TPP2: variants seen among roughly 807,000 people sequenced by gnomAD.
TPP2 encodes the protein tripeptidyl-peptidase 2.
A neutral mutation model predicts 155.9 loss-of-function variants in TPP2; 34 were observed. That is an observed-to-expected ratio of 0.22 (90% confidence interval 0.17 to 0.29). TPP2 has a LOEUF of 0.29. Ranked by LOEUF, TPP2 falls within the 10% of genes least tolerant of loss-of-function variation. TPP2 has a pLI of 1.00. For synonymous variants in TPP2, 510 were observed against 529.4 expected, an observed-to-expected ratio of 0.96 and a Z score of 0.50; for missense variants, 1,028 against 1,522.3, an observed-to-expected ratio of 0.68 and a Z score of 5.40.
Position 102,604,989 on chromosome 13 carries a change from T to C in TPP2, c.294+68T>C. On this transcript the variant is annotated intron_variant, in intron 2 of 29. Transcript: ENST00000376052. The stretch of plus-strand genomic sequence containing the variant: ...CTTGCCTCAAAGCATCTAATGTTTT[T>C]ACCTTACATTTGGTGGTGGTATTAG... 1.9e-6 allele frequency: 3 copies of C among 1,587,954 alleles called. No homozygotes were observed. The South Asian group carries it at 3.5e-5, about 19-fold the overall frequency.
chr13:102,677,432 T>A (rs627198), intron 29 of TPP2, among the ~76,000 whole-genome samples: 75,361 of 152,006 alleles, frequency 0.5, 19,075 homozygotes, highest in African/African-American at 0.6. Context: ...ACACCTGCTG[T>A]TGAATCTCCA....
chr13:102,671,551 T>C (rs965225435), intron 27 of TPP2, among the ~76,000 whole-genome samples: 1 of 152,222 alleles, frequency 6.6e-6, no homozygotes, highest in African/African-American at 2.4e-5. Context: ...GGCTAGCGGC[T>C]CCGTTTTCTT....
In TPP2 at chr13:102,649,463, A is replaced by G; in HGVS notation, c.2929A>G (p.Lys977Glu). The G allele has an allele frequency of 1.9e-6, 3 of 1,612,590 alleles. No homozygotes were observed. The highest frequency in any genetic ancestry group is 1.1e-5 in the South Asian group (1 of 90,746). The stretch of plus-strand genomic sequence containing the variant: ...TCTTGCAGGATCCTTAACATTGTCA[A>G]AGACTGAACTAGGAAAGAAAGCTGT... ...CYLAGSLTLS[K>E]TELGKKAGQS... Residue 977 changes from lysine to glutamate, a missense_variant, in exon 23 of 30, where the codon AAG becomes GAG. Coordinates refer to ENST00000376052, the MANE Select transcript of TPP2 (RefSeq NM_001330588.2).
At chr13:102,663,471 G>T (rs1355091020) in intron 25 of TPP2, among the ~76,000 whole-genome samples, 177 bp from the exon 26 acceptor site, 5 of 152,150 alleles carry the variant, frequency 3.3e-5, no homozygotes, top group Admixed American at 6.6e-5. Context: ...TTGTTTTCTA[G>T]TTAACCATTT....
chr13:102,652,993 T>C (rs896363214), intron 24 of TPP2, among the ~76,000 whole-genome samples: 1 of 152,222 alleles, frequency 6.6e-6, no homozygotes, highest in Non-Finnish European at 1.5e-5. Flanking sequence ...AGCCAATTAT[T>C]TTTCTTCTTA....
chr13:102,634,494 G>A (rs1882241961), intron 11 of TPP2, among the ~76,000 whole-genome samples: 5 of 152,082 alleles, frequency 3.3e-5, no homozygotes. Flanking sequence ...AGAGAAGGAG[G>A]GATTTCTAGA....
At chr13:102,624,313 C>CT (rs1881402760) in intron 6 of TPP2, among the ~76,000 whole-genome samples, 1 of 152,168 alleles carries the variant, frequency 6.6e-6, no homozygotes, top group Non-Finnish European at 1.5e-5. Context: ...AGTGGGATGA[C>CT]TTTAACTCTT....
chr13:102,605,121 G>A (rs1023778079), intron 2 of TPP2, among the ~76,000 whole-genome samples, 200 bp downstream of exon 2: 3 of 112,110 alleles, frequency 2.7e-5, no homozygotes, highest in East Asian at 2.1e-4. Flanking sequence ...GTGGCTTAAC[G>A]GGGTTCCAGT....
Position 102,656,911 on chromosome 13 carries a change from G to A in TPP2, c.2992-145G>A, listed in dbSNP as rs536069389. ...ACTGTGACCAGAGATTGGAATTTTT[G>A]GTGTATTGTGACCCTTAGAATCTAG... On this transcript the variant is annotated intron_variant, in intron 24 of 29. Coordinates refer to ENST00000376052, the MANE Select transcript of TPP2 (RefSeq NM_001330588.2). 2.3e-5 allele frequency: 16 copies of A among 684,844 alleles called. No homozygotes were observed. The South Asian group carries it at 3.8e-4, about 16-fold the overall frequency. The allele number at this position is 684,844 out of a possible 1,614,324, so 42.4% of individuals were successfully genotyped here. A position where few individuals can be genotyped will look rare whatever the true frequency, so the allele number is the denominator to read the frequency against.
At position 102,629,465 on chromosome 13, in the gene TPP2, A is replaced by C. The variant is rs755515302; in HGVS notation, c.1017-17A>C. 6.7e-7 allele frequency: 1 copy of C among 1,481,698 alleles called. No homozygotes were observed. Among genetic ancestry groups the C allele is most frequent in the Non-Finnish European group, 8.9e-7 (1 of 1,122,700 alleles). 91.8% of individuals were successfully genotyped at this position (1,481,698 alleles called of 1,614,324 possible). On this transcript the variant is annotated splice_polypyrimidine_tract_variant and intron_variant, in intron 8 of 29. Coordinates refer to ENST00000376052, the MANE Select transcript of TPP2 (RefSeq NM_001330588.2). ...TAGAGGCTGATTATATGTTCAAAGGAATTCTCTCTTTTTCAGGAGAATTTG... is the reference window on the plus strand; with the variant it reads ...TAGAGGCTGATTATATGTTCAAAGGCATTCTCTCTTTTTCAGGAGAATTTG...
intron 10 of TPP2, chr13:102,631,477 G>A (rs1005539919): frequency 2.0e-5 from 3 of 152,156 alleles, no homozygotes; most frequent in African/African-American, 2.4e-5. Context: ...AAAGCTTGAT[G>A]TGTTTTTGTT....
rs1317389541 is a variant in TPP2 at position 102,629,699 on chromosome 13, C to T, written c.1144+90C>T. 32 of 1,450,868 alleles carry T rather than the reference C, an allele frequency of 2.2e-5. No individual in the cohort carries two copies. In the Middle Eastern group the frequency reaches 6.2e-4, roughly 28 times the overall value. 89.9% of individuals were successfully genotyped at this position (1,450,868 alleles called of 1,614,324 possible). On this transcript the variant is annotated intron_variant, in intron 9 of 29. Coordinates refer to ENST00000376052, the MANE Select transcript of TPP2 (RefSeq NM_001330588.2). The stretch of plus-strand genomic sequence containing the variant: ...AAATGTTACCTGTATCTCTGCTACA[C>T]GTAAGACACTGTACACCTTAAGTGT...
At position 102,638,310 on chromosome 13, in the gene TPP2, A is replaced by C. The variant is rs763933132; in HGVS notation, c.1908A>C (p.Ala636=). The change falls in exon 15 of 30, where the codon GCA becomes GCC. Residue 636 remains alanine, a synonymous_variant. Transcript: ENST00000376052. The part of the protein sequence containing the change: ...LFRVPITAVI[A]AKVNESSHYD... The stretch of plus-strand genomic sequence containing the variant: ...GAGTTCCGATCACTGCAGTTATAGC[A>C]GCAAAGTAAGTAACAGGTTACTCAC... The C allele has an allele frequency of 3.0e-5, 48 of 1,612,640 alleles. No individual in the cohort carries two copies. Among genetic ancestry groups the C allele is most frequent in the Non-Finnish European group, 3.6e-5 (43 of 1,179,912 alleles).
chr13:102,668,080 T>C (rs1884725205), intron 27 of TPP2, among the ~76,000 whole-genome samples: 1 of 152,138 alleles, frequency 6.6e-6, no homozygotes, highest in Non-Finnish European at 1.5e-5. Flanking sequence ...TGATCAAAGG[T>C]TGGTTTTTGG....
rs560908615 is a variant in TPP2 at position 102,599,431 on chromosome 13, A to T, written c.165+2228A>T. ...TTTAACAGATTTATTTTGTAGATAT[A>T]TGTGTACATCATTAAGATTAGAGGA... On this transcript the variant is annotated intron_variant, in intron 1 of 29. Transcript: ENST00000376052. Among the ~76,000 whole-genome samples, 4 of 152,186 alleles carry T rather than the reference A, an allele frequency of 2.6e-5. No individual in the cohort carries two copies. The South Asian group carries it at 8.3e-4, about 32-fold the overall frequency.
At chr13:102,627,781 C>T (rs985888466) in intron 7 of TPP2, 67 bp from the exon 8 acceptor site, 1 of 1,167,294 alleles carries the variant, frequency 8.6e-7, no homozygotes, top group Admixed American at 2.0e-5. Context: ...TATATATGCC[C>T]TTATTTTACT....
chr13:102,676,502 T>C, intron 29 of TPP2, 87 bp downstream of exon 29: 3 of 1,488,692 alleles, frequency 2.0e-6, no homozygotes, highest in South Asian at 2.4e-5. Flanking sequence ...GACTGTGATA[T>C]AGCAATACTG....
intron 21 of TPP2, among the ~76,000 whole-genome samples, chr13:102,647,751 T>G (rs536115627): frequency 6.6e-5 from 10 of 152,308 alleles, no homozygotes; most frequent in African/African-American, 2.2e-4. Flanking sequence ...GCCGCATGTC[T>G]TCAGTTCATT....
intron 25 of TPP2, among the ~76,000 whole-genome samples, chr13:102,660,264 AAAG>A (rs1036808589): frequency 2.3e-4 from 35 of 152,242 alleles, no homozygotes; most frequent in African/African-American, 8.2e-4. Context: ...ACTTAATACA[AAAG>A]AAAGCTGTAT....
Sources: gnomAD v4.1 joint callset for allele counts (sites outside exome capture counted in the v4.1 genomes callset) on GRCh38, gnomAD v4.1.1 for gene constraint, MANE v1.5 for transcripts, NCBI Gene and HGNC (gene_info 2026-07-23, HGNC 2026-07-21) for gene names.